The following REDIC1 variants were observed in gnomAD, a reference collection of about 807,000 sequenced individuals.
The protein encoded by REDIC1 is HEI10 Interacting Protein 1.
the REDIC1 span, among the ~76,000 whole-genome samples, chr12:39,666,902 T>A: frequency 1.3e-5 from 2 of 152,288 alleles, no homozygotes; most frequent in South Asian, 2.1e-4. Context: ...TCTGTGGGAT[T>A]GGTAGTGATA....
chr12:39,723,421 T>C, the REDIC1 span, among the ~76,000 whole-genome samples: 5 of 152,118 alleles, frequency 3.3e-5, no homozygotes, highest in East Asian at 9.7e-4. Context: ...GATAAATATA[T>C]TCAGAGTGGA....
the REDIC1 span, among the ~76,000 whole-genome samples, chr12:39,804,136 C>T: frequency 6.6e-6 from 1 of 151,928 alleles, no homozygotes; most frequent in African/African-American, 2.4e-5. Flanking sequence ...GAAAAAAACA[C>T]TAAATATCTT....
the REDIC1 span, among the ~76,000 whole-genome samples, chr12:39,815,338 T>C: frequency 6.6e-6 from 1 of 152,354 alleles, no homozygotes; most frequent in African/African-American, 2.4e-5. Context: ...TATTGTTAAC[T>C]ATTGTCATTT....
the REDIC1 span, among the ~76,000 whole-genome samples, chr12:39,770,674 A>C: frequency 6.6e-6 from 1 of 152,290 alleles, no homozygotes; most frequent in South Asian, 2.1e-4. Flanking sequence ...ACTGCCTGGC[A>C]TGTGGTATAT....
the REDIC1 span, among the ~76,000 whole-genome samples, chr12:39,668,337 G>T: frequency 6.6e-6 from 1 of 151,946 alleles, no homozygotes; most frequent in Non-Finnish European, 1.5e-5. Context: ...GCTTAGTTTG[G>T]CTGGATATGA....
At chr12:39,701,922 T>C in the REDIC1 span, among the ~76,000 whole-genome samples, 1 of 152,054 alleles carries the variant, frequency 6.6e-6, no homozygotes, top group South Asian at 2.1e-4. Context: ...CCAGAATCTC[T>C]GGGACACATT....
the REDIC1 span, among the ~76,000 whole-genome samples, chr12:39,669,731 C>G: frequency 6.6e-6 from 1 of 152,228 alleles, no homozygotes; most frequent in Non-Finnish European, 1.5e-5. Flanking sequence ...GCTTTGTTTA[C>G]CTACTTAAGC....
chr12:39,773,270 T>A, the REDIC1 span, among the ~76,000 whole-genome samples: 1 of 152,172 alleles, frequency 6.6e-6, no homozygotes, highest in Non-Finnish European at 1.5e-5. Context: ...CAGAATTGCA[T>A]GCAATCAGGT....
chr12:39,793,534 A>C, the REDIC1 span, among the ~76,000 whole-genome samples: 1 of 152,158 alleles, frequency 6.6e-6, no homozygotes, highest in Non-Finnish European at 1.5e-5. Flanking sequence ...GAGTGGGGGT[A>C]CTTGTATAGT....
At chr12:39,684,746 A>AT in the REDIC1 span, 1 of 654,812 alleles carries the variant, frequency 1.5e-6, no homozygotes, top group East Asian at 2.8e-5. Context: ...ATGAATCTTT[A>AT]TTTTTAAGAA....
At chr12:39,626,875 T>C in the REDIC1 span, among the ~76,000 whole-genome samples, 1 of 152,246 alleles carries the variant, frequency 6.6e-6, no homozygotes, top group Non-Finnish European at 1.5e-5. Flanking sequence ...CCGTTTTTAC[T>C]TGAATAACTT....
At chr12:39,712,938 TAC>T in the REDIC1 span, among the ~76,000 whole-genome samples, 21 of 146,748 alleles carry the variant, frequency 1.4e-4, no homozygotes, top group African/African-American at 4.4e-4. Flanking sequence ...TACGTGTATA[TAC>T]GTGTATATAC....
the REDIC1 span, among the ~76,000 whole-genome samples, chr12:39,854,383 C>G: frequency 3.9e-5 from 6 of 152,136 alleles, no homozygotes; most frequent in African/African-American, 1.4e-4. Flanking sequence ...AAAAAGCCTG[C>G]TTAGAATTAT....
At chr12:39,753,515 G>T in the REDIC1 span, among the ~76,000 whole-genome samples, 15 of 152,278 alleles carry the variant, frequency 9.9e-5, no homozygotes, top group South Asian at 3.1e-3. Context: ...ATATGGAAAA[G>T]AGATGGAGAA....
At chr12:39,868,262 G>A in the REDIC1 span, among the ~76,000 whole-genome samples, 1 of 152,076 alleles carries the variant, frequency 6.6e-6, no homozygotes, top group Non-Finnish European at 1.5e-5. Flanking sequence ...ATTAGATTTT[G>A]GAATTTTGAT....
At chr12:39,667,060 A>G in the REDIC1 span, among the ~76,000 whole-genome samples, 1 of 151,798 alleles carries the variant, frequency 6.6e-6, no homozygotes, top group Non-Finnish European at 1.5e-5. Context: ...TTGTGTCTCT[A>G]TTTCCTTCAG....
chr12:39,706,138 T>C, the REDIC1 span, among the ~76,000 whole-genome samples: 2 of 152,016 alleles, frequency 1.3e-5, no homozygotes, highest in Non-Finnish European at 2.9e-5. Context: ...AAAATCAACA[T>C]GCAAAAATCA....
the REDIC1 span, among the ~76,000 whole-genome samples, chr12:39,776,890 AC>A: frequency 6.6e-6 from 1 of 152,128 alleles, no homozygotes; most frequent in African/African-American, 2.4e-5. Flanking sequence ...AATTAATAAA[AC>A]CCCACAGGTT....
At chr12:39,674,977 G>A in the REDIC1 span, among the ~76,000 whole-genome samples, 1 of 152,164 alleles carries the variant, frequency 6.6e-6, no homozygotes, top group African/African-American at 2.4e-5. Context: ...AGACAGGGAG[G>A]GGCAAGGCCT....
Sources: allele counts gnomAD v4.1 joint callset (sites outside exome capture counted in the v4.1 genomes callset), GRCh38; gene constraint gnomAD v4.1.1; transcripts MANE v1.5; gene names NCBI Gene and HGNC (gene_info 2026-07-23, HGNC 2026-07-21).